HPS3: variants seen among roughly 807,000 people sequenced by gnomAD.
HPS3 encodes HPS3 biogenesis of lysosomal organelles complex 2 subunit 1, also known as BLOC-2 complex member HPS3.
In HPS3, 79 loss-of-function variants were observed where a neutral mutation model predicts 110.9. The ratio of observed to expected loss-of-function variants is 0.71; its 90% CI spans 0.59 to 0.86. HPS3 has a LOEUF of 0.86. HPS3 is among the 40% of genes least tolerant of loss of function. The pLI is 0.00. For synonymous variants in HPS3, 428 were observed against 451.0 expected (o/e 0.95, Z 0.65); for missense variants, 1,197 against 1,206.2 (o/e 0.99, Z 0.11).
chr3:149,167,974 T>A lies in HPS3; in HGVS notation c.2878T>A (p.Ser960Thr). The A allele has an allele frequency of 6.5e-7, 1 of 1,547,290 alleles. No individual in the cohort carries two copies. ...AGAGAAGTATCAACTCTACCTGTCATCATTAAAAGGTAAAATGATTTTTTT... is the reference window on the plus strand; with the variant it reads ...AGAGAAGTATCAACTCTACCTGTCAACATTAAAAGGTAAAATGATTTTTTT... ...GGEKYQLYLS[S>T]LKETLSIVAV... The change falls in exon 16 of 17, where the codon TCA becomes ACA. Residue 960 changes from serine to threonine, a missense_variant. By Grantham distance (58) the Ser-to-Thr change is moderately conservative. Transcript: ENST00000296051.
Position 149,172,239 on chromosome 3 carries a change from A to T in HPS3, c.*17A>T. 1.9e-6 allele frequency: 3 copies of T among 1,610,344 alleles called. No homozygotes were observed. Among genetic ancestry groups the T allele is most frequent in the Non-Finnish European group, 2.5e-6 (3 of 1,177,750 alleles). Reference sequence around the variant, plus strand: ...TTGACTTAAAGGTATCATTTGAAAAATACCATAATGGCATTTGAGACTGAA... The same window carrying T: ...TTGACTTAAAGGTATCATTTGAAAATTACCATAATGGCATTTGAGACTGAA... On this transcript the variant is annotated 3_prime_UTR_variant, in exon 17 of 17. Coordinates refer to ENST00000296051, the MANE Select transcript of HPS3 (RefSeq NM_032383.5).
Position 149,160,073 on chromosome 3 carries a change from T to C in HPS3, c.1900T>C (p.Phe634Leu). 6.2e-7 allele frequency: 1 copy of C among 1,613,914 alleles called. No homozygotes were observed. The change falls in exon 11 of 17, where the codon TTT (phenylalanine) becomes CTT (leucine). Residue 634 changes from phenylalanine (F) to leucine (L), a missense_variant. Coordinates refer to ENST00000296051, the MANE Select transcript of HPS3 (RefSeq NM_032383.5). ...EELAAKVVQM[F>L]YVAEPKQVPH... The stretch of plus-strand genomic sequence containing the variant: ...ATTAGCAGCAAAAGTGGTTCAGATG[T>C]TTTATGTGGCTGAGCCAAAGCAAGT...
chr3:149,130,210 C>T, intron 1 of HPS3: 1 of 556,976 alleles, frequency 1.8e-6, no homozygotes, highest in South Asian at 2.2e-5. Context: ...AGGCCTCTGG[C>T]TGGATTCCAC....
chr3:149,145,381 T>A lies in HPS3; in HGVS notation c.998T>A (p.Leu333Ter). The A allele has an allele frequency of 6.2e-7, 1 of 1,614,008 alleles. No individual in the cohort carries two copies. Among genetic ancestry groups the A allele is most frequent in the Non-Finnish European group, 8.5e-7 (1 of 1,179,926 alleles). ...TCTCTTACATCTGATGGAAAAAATT[T>A]GTCTCAGGAAAAAGAATTGCTGAGT... ...TGSLTSDGKN[L>*]SQEKELLSLF... The change falls in exon 5 of 17, where the codon TTG becomes TAG. Residue 333 changes from leucine (L) to a stop codon, truncating the protein, a stop_gained. Transcript: ENST00000296051. LOFTEE classifies it high-confidence loss of function.
chr3:149,137,603 A>G (rs1357624901), intron 1 of HPS3, among the ~76,000 whole-genome samples: 1 of 152,244 alleles, frequency 6.6e-6, no homozygotes, highest in East Asian at 1.9e-4. Flanking sequence ...ATGAGTAAAT[A>G]AAATATATTG....
chr3:149,158,290 A>G (rs374475226), intron 9 of HPS3, among the ~76,000 whole-genome samples: 7 of 152,236 alleles, frequency 4.6e-5, no homozygotes, highest in Admixed American at 1.3e-4. Flanking sequence ...GAGTCCGATC[A>G]TGAATATTAG....
intron 1 of HPS3, among the ~76,000 whole-genome samples, chr3:149,134,931 G>C (rs1444278533): frequency 6.6e-6 from 1 of 152,108 alleles, no homozygotes; most frequent in Non-Finnish European, 1.5e-5. Context: ...AGCTGACTCT[G>C]GCTATGATGG....
At position 149,150,634 on chromosome 3, in the gene HPS3, C is replaced by T. The variant is rs138874465; in HGVS notation, c.1199C>T (p.Ala400Val). The T allele has an allele frequency of 6.2e-6, 10 of 1,614,016 alleles. No individual in the cohort carries two copies. The highest frequency in any genetic ancestry group is 1.7e-5 in the Admixed American group (1 of 60,028). ...CAGTGTTTCACTGTGCGGTGCAGTG[C>T]GGCGGCAGCTCGTGAGGAGGACCCG... ...NLQCFTVRCS[A>V]AAAREEDPYM... Residue 400 changes from alanine to valine, a missense_variant, in exon 6 of 17, where the codon GCG becomes GTG. By Grantham distance (64) the Ala-to-Val change is moderately conservative (BLOSUM62 0). Coordinates refer to ENST00000296051, the MANE Select transcript of HPS3 (RefSeq NM_032383.5).
rs751213841 is a variant in HPS3 at position 149,167,223 on chromosome 3, C to G, written c.2779C>G (p.Leu927Val). 1 of 1,613,050 alleles carries G rather than the reference C, an allele frequency of 6.2e-7. No individual in the cohort carries two copies. Residue 927 changes from leucine (L) to valine (V), a missense_variant, in exon 15 of 17, where the codon CTG becomes GTG. Coordinates refer to ENST00000296051, the MANE Select transcript of HPS3 (RefSeq NM_032383.5). Reference sequence around the variant, plus strand: ...AGTCATTCCATATGCTAATCATGAACTGAAAGAAGAGAACCGGGTATGCTT... The same window carrying G: ...AGTCATTCCATATGCTAATCATGAAGTGAAAGAAGAGAACCGGGTATGCTT... ...EAVIPYANHELKEENRTLWWK... is the reference protein window; with the variant it reads ...EAVIPYANHEVKEENRTLWWK...
At position 149,172,082 on chromosome 3, in the gene HPS3, C is replaced by G; in HGVS notation, c.2888-13C>G. On this transcript the variant is annotated splice_polypyrimidine_tract_variant and intron_variant, in intron 16 of 16. Transcript: ENST00000296051. The stretch of plus-strand genomic sequence containing the variant: ...GACTTTCAATTCTAATTCAGATATT[C>G]TTTTCTACACAGAAACATTGTCAAT... 1 of 1,611,410 alleles carries G rather than the reference C, an allele frequency of 6.2e-7. No individual in the cohort carries two copies. Among genetic ancestry groups the G allele is most frequent in the Non-Finnish European group, 8.5e-7 (1 of 1,178,080 alleles).
At chr3:149,148,079 G>A (rs1479084145) in intron 5 of HPS3, among the ~76,000 whole-genome samples, 3 of 152,010 alleles carry the variant, frequency 2.0e-5, no homozygotes, top group African/African-American at 7.2e-5. Flanking sequence ...CACCATGTTG[G>A]CCAAGCTGGT....
rs141373477 is a variant in HPS3 at position 149,137,998 on chromosome 3, AATTT to A, written c.218-1996_218-1993del. Among the ~76,000 whole-genome samples the A allele has an allele frequency of 8.7e-3, 1,331 of 152,230 alleles. 14 individuals carry two copies. The highest frequency in any genetic ancestry group is 0.027 in the African/African-American group (1,122 of 41,504). On this transcript the variant is annotated intron_variant, in intron 1 of 16. Transcript: ENST00000296051. ...GTGTGTATCGTACTACAATAAAAAA[AATTT>A]ATTTATTTACTGGGGGAATTTTAGG...
intron 13 of HPS3, among the ~76,000 whole-genome samples, chr3:149,163,483 G>A (rs944920542): frequency 3.3e-5 from 5 of 152,146 alleles, no homozygotes; most frequent in Admixed American, 6.5e-5. Context: ...CTTGGGGATT[G>A]TCTTGAGAAT....
At chr3:149,138,331 T>C (rs17787038) in intron 1 of HPS3, among the ~76,000 whole-genome samples, 3,569 of 152,286 alleles carry the variant, frequency 0.023, 65 homozygotes, top group South Asian at 0.067. Context: ...AGCATTTCAA[T>C]TTCAATTCAT....
intron 5 of HPS3, among the ~76,000 whole-genome samples, chr3:149,147,830 A>T (rs1266582732): frequency 6.6e-6 from 1 of 152,170 alleles, no homozygotes; most frequent in Non-Finnish European, 1.5e-5. Flanking sequence ...TTAGAATAGC[A>T]GTTGTTTTAT....
At position 149,141,205 on chromosome 3, in the gene HPS3, T is replaced by TTTTA. The variant is rs778100609; in HGVS notation, c.884+20_884+21insATTT. ...GCTCTATAGGTATTATAGTGCTTTT[T>TTTTA]TTTTTTTTACCAGCATTTTATGTAT... On this transcript the variant is annotated intron_variant, in intron 3 of 16. Transcript: ENST00000296051. 47 of 1,609,842 alleles carry TTTTA rather than the reference T, an allele frequency of 2.9e-5. 1 individual carries two copies. The East Asian group carries it at 8.3e-4, about 28-fold the overall frequency.
intron 16 of HPS3, among the ~76,000 whole-genome samples, chr3:149,170,894 A>G (rs1044707261): frequency 6.6e-6 from 1 of 152,166 alleles, no homozygotes; most frequent in African/African-American, 2.4e-5. Context: ...TCACCCTTCT[A>G]TTCCGGGAGA....
intron 9 of HPS3, among the ~76,000 whole-genome samples, chr3:149,157,858 T>C (rs1028489850): frequency 6.6e-6 from 1 of 152,224 alleles, no homozygotes; most frequent in Admixed American, 6.5e-5. Context: ...TAAAAACATA[T>C]ATTTTGTTAG....
At chr3:149,130,228 G>A (rs1418015686) in intron 1 of HPS3, 1 of 527,364 alleles carries the variant, frequency 1.9e-6, no homozygotes. Flanking sequence ...CACTCATCTC[G>A]GATACTTAAG....
Sources: gnomAD v4.1 joint callset for allele counts (sites outside exome capture counted in the v4.1 genomes callset) on GRCh38, gnomAD v4.1.1 for gene constraint, MANE v1.5 for transcripts, NCBI Gene and HGNC (gene_info 2026-07-23, HGNC 2026-07-21) for gene names.